CHRM3: variants seen among roughly 807,000 people sequenced by gnomAD.
CHRM3 encodes the protein muscarinic acetylcholine receptor M3.
In CHRM3, 11 loss-of-function variants were observed where a neutral mutation model predicts 41.8. That is an observed-to-expected ratio of 0.26 (90% confidence interval 0.17 to 0.44). The LOEUF (loss-of-function observed/expected upper bound fraction) is 0.44. Among genes scored for constraint, CHRM3 ranks in the 20% least tolerant of loss-of-function variants. CHRM3 has a pLI of 1.00. For missense variants in CHRM3, 571 were observed against 745.4 expected, an observed-to-expected ratio of 0.77 and a Z score of 2.72; for synonymous variants, 297 against 301.4, an observed-to-expected ratio of 0.99 and a Z score of 0.15.
intron 1 of CHRM3, among the ~76,000 whole-genome samples, chr1:239,389,053 A>C (rs995091415): frequency 6.6e-6 from 1 of 152,208 alleles, no homozygotes; most frequent in Non-Finnish European, 1.5e-5. Context: ...CGAAAATAGC[A>C]ATGTCGAAAT....
At chr1:239,554,729 C>CTTTTTT (rs750207504) in intron 3 of CHRM3, among the ~76,000 whole-genome samples, 6 of 122,966 alleles carry the variant, frequency 4.9e-5, no homozygotes, top group Admixed American at 8.7e-5. Flanking sequence ...GTATTTCTTT[C>CTTTTTT]TTTTTTTTTT....
intron 2 of CHRM3, among the ~76,000 whole-genome samples, chr1:239,531,108 A>AT (rs927924894): frequency 3.9e-5 from 6 of 152,102 alleles, no homozygotes; most frequent in Non-Finnish European, 7.4e-5. Flanking sequence ...TGTTATTAGG[A>AT]TTTTTTTGCA....
chr1:239,609,704 T>C (rs1221588834), intron 3 of CHRM3, among the ~76,000 whole-genome samples: 4 of 152,198 alleles, frequency 2.6e-5, no homozygotes, highest in African/African-American at 9.7e-5. Context: ...TGTCTAGTGG[T>C]ACTTGTTTTA....
At position 239,907,990 on chromosome 1, in the gene CHRM3, G is replaced by A. The variant is rs1487020414; in HGVS notation, c.539G>A (p.Arg180Gln). 6.2e-7 allele frequency: 1 copy of A among 1,614,110 alleles called. No homozygotes were observed. Among genetic ancestry groups the A allele is most frequent in the East Asian group, 2.2e-5 (1 of 44,872 alleles). The stretch of plus-strand genomic sequence containing the variant: ...AGGCCGCTCACGTACCGAGCCAAAC[G>A]AACAACAAAGAGAGCCGGTGTGATG... ...ITRPLTYRAK[R>Q]TTKRAGVMIG... Residue 180 changes from arginine (R) to glutamine (Q), a missense_variant, in exon 7 of 7, where the codon CGA (arginine) becomes CAA (glutamine). By Grantham distance (43) the Arg-to-Gln change is conservative. Coordinates refer to ENST00000676153, the MANE Select transcript of CHRM3 (RefSeq NM_001375978.1). This position sits in a 1 kb window ranked among gnomAD's most constrained non-coding sequence, Gnocchi z 5.4.
intron 4 of CHRM3, among the ~76,000 whole-genome samples, chr1:239,661,400 C>T (rs751337391): frequency 2.0e-5 from 3 of 152,162 alleles, no homozygotes; most frequent in Non-Finnish European, 4.4e-5. Context: ...AGTCAGTTTA[C>T]TGTGTTCACA....
intron 2 of CHRM3, among the ~76,000 whole-genome samples, chr1:239,543,520 T>A (rs1658986173): frequency 1.3e-5 from 2 of 151,938 alleles, no homozygotes; most frequent in Non-Finnish European, 1.5e-5. Flanking sequence ...TTTATTTTTT[T>A]TTTTTGTGAT....
chr1:239,639,700 T>C (rs1188724737), intron 4 of CHRM3, among the ~76,000 whole-genome samples: 15 of 151,886 alleles, frequency 9.9e-5, no homozygotes, highest in African/African-American at 2.4e-4. Flanking sequence ...ACAATCATGT[T>C]GTCTGCAAAC....
Position 239,879,124 on chromosome 1 carries a change from G to T in CHRM3, c.-19-28309G>T, listed in dbSNP as rs1011069196. 2.0e-5 allele frequency among the ~76,000 whole-genome samples: 3 copies of T among 152,306 alleles called. No individual in the cohort carries two copies. In the East Asian group the frequency reaches 5.8e-4, roughly 29 times the overall value. On this transcript the variant is annotated intron_variant, in intron 6 of 6. Transcript: ENST00000676153. ...TCAGCAGGTCTAGGATGGGGCCCAA[G>T]AATGTGCATTTCCATTTTTTTCTTA...
chr1:239,606,979 T>G (rs1666389631), intron 3 of CHRM3, among the ~76,000 whole-genome samples: 1 of 152,164 alleles, frequency 6.6e-6, no homozygotes, highest in Admixed American at 6.5e-5. Flanking sequence ...CTTCTTACTC[T>G]TACCCCTGTG....
rs368380419 is a variant in CHRM3, at chr1:239,638,758, G to T, written c.-250+6472G>T. On this transcript the variant is annotated intron_variant, in intron 4 of 6. Coordinates refer to ENST00000676153, the MANE Select transcript of CHRM3 (RefSeq NM_001375978.1). ...AGTTTCTTTTGCTGTGCAGAAGCTC[G>T]TTAGTTTAATTAGATCCCATTTGTC... Among the ~76,000 whole-genome samples the T allele has an allele frequency of 1.2e-3, 184 of 151,718 alleles. 1 individual carries two copies. In the East Asian group the frequency reaches 0.016, roughly 13 times the overall value.
intron 1 of CHRM3, among the ~76,000 whole-genome samples, chr1:239,422,217 G>T (rs1289269774): frequency 6.6e-6 from 1 of 152,136 alleles, no homozygotes; most frequent in Non-Finnish European, 1.5e-5. Context: ...TCCAATATTT[G>T]AGCATAGGCT....
chr1:239,731,762 A>G (rs1467144011), intron 5 of CHRM3, among the ~76,000 whole-genome samples: 1 of 152,018 alleles, frequency 6.6e-6, no homozygotes, highest in Non-Finnish European at 1.5e-5. Flanking sequence ...CCAACCATTT[A>G]TGATCTATAT....
At chr1:239,649,164 G>A (rs981408098) in intron 4 of CHRM3, among the ~76,000 whole-genome samples, 7 of 152,124 alleles carry the variant, frequency 4.6e-5, no homozygotes, top group Admixed American at 4.6e-4. Flanking sequence ...CCCCAAGGTG[G>A]TAGTGTGAGA....
chr1:239,533,021 A>G lies in CHRM3; in HGVS notation c.-421-12620A>G, dbSNP rs186286782. Among the ~76,000 whole-genome samples, 424 of 152,334 alleles carry G rather than the reference A, an allele frequency of 2.8e-3. 4 individuals are homozygous for G. Among genetic ancestry groups the G allele is most frequent in the Non-Finnish European group, 2.0e-3 (137 of 68,036 alleles). On this transcript the variant is annotated intron_variant, in intron 2 of 6. Coordinates refer to ENST00000676153, the MANE Select transcript of CHRM3 (RefSeq NM_001375978.1). ...TCTATAGCGCTCTTCTGGAAATAAT[A>G]TATTATGAAGCACTTTCATTTCCCT...
intron 3 of CHRM3, among the ~76,000 whole-genome samples, chr1:239,614,712 G>T (rs1452059442): frequency 6.6e-6 from 1 of 152,118 alleles, no homozygotes; most frequent in Non-Finnish European, 1.5e-5. Context: ...AATGATGTTT[G>T]CTGCTTTTAG....
At chr1:239,671,448 C>T (rs572755859) in intron 4 of CHRM3, among the ~76,000 whole-genome samples, 1 of 152,082 alleles carries the variant, frequency 6.6e-6, no homozygotes, top group African/African-American at 2.4e-5. Flanking sequence ...GTGGTGCACT[C>T]TATAGTCCCA....
intron 2 of CHRM3, among the ~76,000 whole-genome samples, chr1:239,543,737 T>C (rs1659016446): frequency 6.6e-6 from 1 of 152,080 alleles, no homozygotes; most frequent in South Asian, 2.1e-4. Flanking sequence ...CTCGATCTCC[T>C]GATCTCATGA....
chr1:239,556,277 C>T (rs1277527807), intron 3 of CHRM3, among the ~76,000 whole-genome samples: 1 of 152,138 alleles, frequency 6.6e-6, no homozygotes, highest in Non-Finnish European at 1.5e-5. Context: ...ATGCTTAATA[C>T]ACACGTGAGC....
intron 1 of CHRM3, among the ~76,000 whole-genome samples, chr1:239,416,598 T>C (rs1661520807): frequency 6.6e-6 from 1 of 152,300 alleles, no homozygotes; most frequent in Admixed American, 6.5e-5. Context: ...TTTCAGAAAA[T>C]GATTTCAAGA....
Sources: allele counts gnomAD v4.1 joint callset (sites outside exome capture counted in the v4.1 genomes callset), GRCh38; gene constraint gnomAD v4.1.1; non-coding constraint Gnocchi (gnomAD v3.1); transcripts MANE v1.5; gene names NCBI Gene and HGNC (gene_info 2026-07-23, HGNC 2026-07-21).